KCNQ1: variants seen among roughly 807,000 people sequenced by gnomAD.
KCNQ1 encodes the protein potassium voltage-gated channel subfamily Q member 1, also known as potassium voltage-gated channel subfamily KQT member 1.
Under a neutral mutation model 72.4 loss-of-function variants are expected in KCNQ1, and 49 were observed. The observed-to-expected ratio is 0.68, with a 90% confidence interval of 0.54 to 0.86. The LOEUF is 0.86. Ranked by LOEUF, KCNQ1 falls within the 40% of genes least tolerant of loss-of-function variation. KCNQ1 has a pLI of 0.00. For synonymous variants in KCNQ1, 450 were observed against 412.6 expected, an observed-to-expected ratio of 1.09 and a Z score of -1.10; for missense variants, 790 against 945.1, an observed-to-expected ratio of 0.84 and a Z score of 2.15.
At chr11:2,846,016 C>T (rs1463778459) in intron 15 of KCNQ1, among the ~76,000 whole-genome samples, 2 of 152,196 alleles carry the variant, frequency 1.3e-5, no homozygotes, top group South Asian at 2.1e-4. Context: ...CTGGCCATCC[C>T]GGGGCTTGTG....
intron 2 of KCNQ1, among the ~76,000 whole-genome samples, chr11:2,552,763 C>A (rs1376623001): frequency 1.3e-5 from 2 of 152,124 alleles, no homozygotes; most frequent in Non-Finnish European, 2.9e-5. Flanking sequence ...CACGGTCTCG[C>A]TCCCCAGTGC....
rs1225502101 is a variant in KCNQ1, at chr11:2,764,329, T to C, written c.1515-4515T>C. Among the ~76,000 whole-genome samples, 1 of 152,232 alleles carries C rather than the reference T, an allele frequency of 6.6e-6. No homozygotes were observed. The highest frequency in any genetic ancestry group is 1.9e-4 in the East Asian group (1 of 5,202). ...TGTTGATTGTATTTTTTCTGACTTATTCTGTTGATGTGAAGAGTGACGCTG... is the reference window on the plus strand; with the variant it reads ...TGTTGATTGTATTTTTTCTGACTTACTCTGTTGATGTGAAGAGTGACGCTG... On this transcript the variant is annotated intron_variant, in intron 11 of 15. Coordinates refer to ENST00000155840, the MANE Select transcript of KCNQ1 (RefSeq NM_000218.3). The surrounding 1 kb of genome is among the most constrained non-coding windows in gnomAD (Gnocchi z 4.8).
Position 2,645,855 on chromosome 11 carries a change from A to C in KCNQ1, c.1394-16106A>C, listed in dbSNP as rs1159219555. ...TGCCTGAGGATTCAGGGGATGTGTG[A>C]ATTGCCTGAGGATTCAGGGTGATCT... On this transcript the variant is annotated intron_variant, in intron 10 of 15. Coordinates refer to ENST00000155840, the MANE Select transcript of KCNQ1 (RefSeq NM_000218.3). The surrounding 1 kb of genome is among the most constrained non-coding windows in gnomAD (Gnocchi z 5.8). 1.8e-5 allele frequency: 7 copies of C among 398,460 alleles called. No individual in the cohort carries two copies. Among genetic ancestry groups the C allele is most frequent in the African/African-American group, 4.1e-5 (2 of 48,576 alleles). 24.7% of individuals were successfully genotyped at this position (398,460 alleles called of 1,614,324 possible).
chr11:2,621,391 T>C lies in KCNQ1; in HGVS notation c.1393+32537T>C, dbSNP rs757905031. The C allele has an allele frequency of 9.8e-5, 39 of 398,532 alleles. No individual in the cohort carries two copies. Among genetic ancestry groups the C allele is most frequent in the Non-Finnish European group, 1.5e-4 (35 of 226,070 alleles). 24.7% of individuals were successfully genotyped at this position (398,532 alleles called of 1,614,324 possible). On this transcript the variant is annotated intron_variant, in intron 10 of 15. Transcript: ENST00000155840. The surrounding 1 kb of genome is among the most constrained non-coding windows in gnomAD (Gnocchi z 5.7). ...CTGTCCTTTGCCAATTCAATTGGATTATTCGTTTTTTGCTTGTTGATTGGT... is the reference window on the plus strand; with the variant it reads ...CTGTCCTTTGCCAATTCAATTGGATCATTCGTTTTTTGCTTGTTGATTGGT...
intron 1 of KCNQ1, chr11:2,461,928 A>AGCTGTCT (rs1225215862): frequency 2.5e-5 from 10 of 403,058 alleles, no homozygotes; most frequent in Admixed American, 1.9e-4. Context: ...CACTGGGTGC[A>AGCTGTCT]GCTGTCTGCT....
In KCNQ1 at chr11:2,767,043, G is replaced by T. The variant is rs964596844; in HGVS notation, c.1515-1801G>T. ...AATACAAAAATTAGCTGGGCATGGT[G>T]GTGTGCACCTGCTACTCAGGAGGCT... is the stretch of plus-strand genomic sequence containing the variant. On this transcript the variant is annotated intron_variant, in intron 11 of 15. Coordinates refer to ENST00000155840, the MANE Select transcript of KCNQ1 (RefSeq NM_000218.3). This position sits in a 1 kb window ranked among gnomAD's most constrained non-coding sequence, Gnocchi z 4.6. Among the ~76,000 whole-genome samples the T allele has an allele frequency of 7.2e-5, 11 of 152,162 alleles. No homozygotes were observed. The highest frequency in any genetic ancestry group is 3.3e-4 in the Admixed American group (5 of 15,272).
At position 2,651,196 on chromosome 11, in the gene KCNQ1, TC is replaced by T; in HGVS notation, c.1394-10763del. The T allele has an allele frequency of 2.5e-6, 1 of 396,982 alleles. No individual in the cohort carries two copies. Among genetic ancestry groups the T allele is most frequent in the East Asian group, 3.6e-5 (1 of 28,084 alleles). The allele number at this position is 396,982 out of a possible 1,614,324, so 24.6% of individuals were successfully genotyped here. ...TCCCTACTCAAATGTTCCGACAGCTTCCTGTCACCCTGTCTTGTGTCAGTCT... is the reference window on the plus strand; with the variant it reads ...TCCCTACTCAAATGTTCCGACAGCTTCTGTCACCCTGTCTTGTGTCAGTCT... On this transcript the variant is annotated intron_variant, in intron 10 of 15. Coordinates refer to ENST00000155840, the MANE Select transcript of KCNQ1 (RefSeq NM_000218.3). This position sits in a 1 kb window ranked among gnomAD's most constrained non-coding sequence, Gnocchi z 6.1.
chr11:2,739,662 A>T (rs1008254240), intron 11 of KCNQ1, among the ~76,000 whole-genome samples: 1 of 152,182 alleles, frequency 6.6e-6, no homozygotes, highest in Admixed American at 6.5e-5. Context: ...CATGGCTCCT[A>T]TCCACGGCAC....
Position 2,690,825 on chromosome 11 carries a change from C to T in KCNQ1, c.1514+28744C>T. On this transcript the variant is annotated intron_variant, in intron 11 of 15. Coordinates refer to ENST00000155840, the MANE Select transcript of KCNQ1 (RefSeq NM_000218.3). This position sits in a 1 kb window ranked among gnomAD's most constrained non-coding sequence, Gnocchi z 5.1. ...GTCTCCTTGGCTTCCAGCTTCCAGG[C>T]TCTGGCACTCCCACTGTTAGGAACA... The T allele has an allele frequency of 2.5e-6, 1 of 398,618 alleles. No individual in the cohort carries two copies. Among genetic ancestry groups the T allele is most frequent in the East Asian group, 3.6e-5 (1 of 28,086 alleles). 24.7% of individuals were successfully genotyped at this position (398,618 alleles called of 1,614,324 possible).
chr11:2,577,883 C>A (rs942019199), intron 6 of KCNQ1, among the ~76,000 whole-genome samples: 1 of 152,020 alleles, frequency 6.6e-6, no homozygotes, highest in African/African-American at 2.4e-5. Flanking sequence ...AGGGGCCTCC[C>A]TCTGTCCACG....
At position 2,711,695 on chromosome 11, in the gene KCNQ1, A is replaced by T. The variant is rs1240584706; in HGVS notation, c.1514+49614A>T. Among the ~76,000 whole-genome samples the T allele has an allele frequency of 3.9e-5, 6 of 152,154 alleles. No homozygotes were observed. The highest frequency in any genetic ancestry group is 8.8e-5 in the Non-Finnish European group (6 of 68,024). On this transcript the variant is annotated intron_variant, in intron 11 of 15. Coordinates refer to ENST00000155840, the MANE Select transcript of KCNQ1 (RefSeq NM_000218.3). This position sits in a 1 kb window ranked among gnomAD's most constrained non-coding sequence, Gnocchi z 5.4. The stretch of plus-strand genomic sequence containing the variant: ...CTCACAATCGGTAAACTGTGCTTAA[A>T]CTAAGTGAGGTATCTTAAGGCTTTA...
rs147930609 is a variant in KCNQ1, at chr11:2,673,646, A to T, written c.1514+11565A>T. ...CTTGCTACTGCTGATGACCACCCTGACTCATGTCCCTTGTCTGCATAGGTG... is the reference window on the plus strand; with the variant it reads ...CTTGCTACTGCTGATGACCACCCTGTCTCATGTCCCTTGTCTGCATAGGTG... On this transcript the variant is annotated intron_variant, in intron 11 of 15. Coordinates refer to ENST00000155840, the MANE Select transcript of KCNQ1 (RefSeq NM_000218.3). This position sits in a 1 kb window ranked among gnomAD's most constrained non-coding sequence, Gnocchi z 4.5. The T allele has an allele frequency of 4.3e-3, 1,729 of 398,432 alleles. 14 individuals carry two copies. The highest frequency in any genetic ancestry group is 0.031 in the African/African-American group (1,489 of 48,642). The allele number at this position is 398,432 out of a possible 1,614,324, so 24.7% of individuals were successfully genotyped here. A position where few individuals can be genotyped will look rare whatever the true frequency, so the allele number is the denominator to read the frequency against.
At chr11:2,807,503 G>C (rs1564900740) in intron 15 of KCNQ1, among the ~76,000 whole-genome samples, 2 of 152,210 alleles carry the variant, frequency 1.3e-5, no homozygotes, top group Non-Finnish European at 2.9e-5. Flanking sequence ...TGAACAAACA[G>C]TCCTGCTGAA....
chr11:2,695,706 C>G lies in KCNQ1; in HGVS notation c.1514+33625C>G. On this transcript the variant is annotated intron_variant, in intron 11 of 15. Transcript: ENST00000155840. This position sits in a 1 kb window ranked among gnomAD's most constrained non-coding sequence, Gnocchi z 5.2. ...AGCTCTTCAGAACGTCTGTGCCTGTCTCCGTCCCCACCTGCAGCACACAGG... is the reference window on the plus strand; with the variant it reads ...AGCTCTTCAGAACGTCTGTGCCTGTGTCCGTCCCCACCTGCAGCACACAGG... 2.5e-6 allele frequency: 1 copy of G among 398,670 alleles called. No individual in the cohort carries two copies. The highest frequency in any genetic ancestry group is 4.4e-6 in the Non-Finnish European group (1 of 226,088). The allele number at this position is 398,670 out of a possible 1,614,324, so 24.7% of individuals were successfully genotyped here. A position where few individuals can be genotyped will look rare whatever the true frequency, so the allele number is the denominator to read the frequency against.
At chr11:2,811,715 AGT>A (rs1847489370) in intron 15 of KCNQ1, among the ~76,000 whole-genome samples, 1 of 152,192 alleles carries the variant, frequency 6.6e-6, no homozygotes, top group South Asian at 2.1e-4. Context: ...GGAGGAGGTC[AGT>A]GTGGGGGGCT....
chr11:2,625,318 A>G (rs1849245369), intron 10 of KCNQ1: 1 of 398,594 alleles, frequency 2.5e-6, no homozygotes, highest in East Asian at 3.6e-5. Context: ...TGGCATGATC[A>G]TGGCACACTG....
intron 15 of KCNQ1, among the ~76,000 whole-genome samples, chr11:2,799,615 G>A (rs1377306962): frequency 6.6e-6 from 1 of 152,072 alleles, no homozygotes; most frequent in African/African-American, 2.4e-5. Context: ...GACAGCCAAA[G>A]GGAAGTTCCA....
chr11:2,456,938 CAAAAAAAAA>C (rs58543586), intron 1 of KCNQ1, among the ~76,000 whole-genome samples: 1 of 52,058 alleles, frequency 1.9e-5, no homozygotes, highest in African/African-American at 5.0e-5. Flanking sequence ...GACTCGGTCT[CAAAAAAAAA>C]AAAAAAAAAA....
chr11:2,641,737 T>C, intron 10 of KCNQ1: 9 of 398,436 alleles, frequency 2.3e-5, no homozygotes, highest in Middle Eastern at 6.3e-4. Flanking sequence ...GTTTCCCCAA[T>C]GTCTCCTTCA....
Sources: allele counts gnomAD v4.1 joint callset (sites outside exome capture counted in the v4.1 genomes callset), GRCh38; gene constraint gnomAD v4.1.1; non-coding constraint Gnocchi (gnomAD v3.1); transcripts MANE v1.5; gene names NCBI Gene and HGNC (gene_info 2026-07-23, HGNC 2026-07-21).